The following REG4 variants were observed in gnomAD, a reference collection of about 807,000 sequenced individuals.
REG4 encodes regenerating family member 4.
A neutral mutation model predicts 22.3 loss-of-function variants in REG4; 16 were observed. The observed-to-expected ratio is 0.72, with a 90% CI of 0.49 to 1.09. The LOEUF (loss-of-function observed/expected upper bound fraction) is 1.09, where lower values mean the gene tolerates loss of function less well. REG4 is among the 50% of genes least tolerant of loss of function. REG4 has a pLI of 0.00. For missense variants in REG4, 214 were observed against 193.9 expected (o/e 1.10, Z -0.61); for synonymous variants, 71 against 69.2 (o/e 1.03, Z -0.13).
At chr1:119,807,264 C>T (rs1256437493) in intron 2 of REG4, among the ~76,000 whole-genome samples, 1 of 152,178 alleles carries the variant, frequency 6.6e-6, no homozygotes, top group Admixed American at 6.5e-5. Flanking sequence ...TTAAGTACAG[C>T]AGTGCAAAGA....
chr1:119,808,675 C>T (rs751688232), intron 2 of REG4, 28 bp downstream of exon 2: 18 of 1,570,812 alleles, frequency 1.1e-5, no homozygotes, highest in Middle Eastern at 1.7e-4. Flanking sequence ...GGCTGTGGCT[C>T]AGTTCCAGCT....
At chr1:119,796,538 T>C (rs1301269622) in intron 5 of REG4, among the ~76,000 whole-genome samples, 1 of 152,096 alleles carries the variant, frequency 6.6e-6, no homozygotes, top group Non-Finnish European at 1.5e-5. Context: ...TGGCTGTATA[T>C]TGGGGCATTA....
intron 3 of REG4, 189 bp downstream of exon 3, chr1:119,802,879 T>G (rs985938098): frequency 2.6e-6 from 4 of 1,552,564 alleles, no homozygotes; most frequent in Non-Finnish European, 3.5e-6. Flanking sequence ...ATACAGCACC[T>G]GCTTCAGCAA....
intron 1 of REG4, among the ~76,000 whole-genome samples, chr1:119,811,202 T>C (rs899601700): frequency 1.3e-5 from 2 of 152,304 alleles, no homozygotes; most frequent in Middle Eastern, 3.4e-3. Context: ...AGCCAAGATT[T>C]AACCCAACAG....
chr1:119,808,096 AG>A (rs940330962), intron 2 of REG4, among the ~76,000 whole-genome samples: 1 of 152,228 alleles, frequency 6.6e-6, no homozygotes, highest in Non-Finnish European at 1.5e-5. Flanking sequence ...AATAGAACAA[AG>A]ACATTACACC....
At chr1:119,811,379 T>TC (rs1382424790) in intron 1 of REG4, 30 bp downstream of exon 1, 3 of 152,046 alleles carry the variant, frequency 2.0e-5, no homozygotes, top group African/African-American at 4.8e-5. Context: ...TTAAAGAAAG[T>TC]CCCCCATCAT....
chr1:119,795,217 G>T (rs1364045098), intron 5 of REG4, among the ~76,000 whole-genome samples: 6 of 152,158 alleles, frequency 3.9e-5, no homozygotes. Context: ...CACTTGAAAT[G>T]TCACACACCA....
At chr1:119,805,308 T>C (rs762417627) in intron 2 of REG4, among the ~76,000 whole-genome samples, 11 of 152,138 alleles carry the variant, frequency 7.2e-5, no homozygotes, top group Non-Finnish European at 1.0e-4. Context: ...TCCAATGTAA[T>C]ACCAGTGAGA....
At chr1:119,809,137 C>T (rs1400326031) in intron 1 of REG4, 1 of 165,058 alleles carries the variant, frequency 6.1e-6, no homozygotes, top group Non-Finnish European at 1.3e-5. Context: ...CCCCTGTTAG[C>T]TTCAGGAGGG....
chr1:119,809,510 C>T (rs12564341), intron 1 of REG4, among the ~76,000 whole-genome samples: 5 of 152,196 alleles, frequency 3.3e-5, no homozygotes, highest in Non-Finnish European at 5.9e-5. Context: ...TAAATCCCAT[C>T]TCCAGGAGAT....
intron 5 of REG4, among the ~76,000 whole-genome samples, chr1:119,796,272 G>A (rs1311659252): frequency 6.6e-6 from 1 of 152,146 alleles, no homozygotes; most frequent in African/African-American, 2.4e-5. Context: ...TGACCTCAAC[G>A]TATACTGAAT....
At position 119,794,051 on chromosome 1, in the gene REG4, ACATT is replaced by A; in HGVS notation, c.*563_*566del. 1 of 509,420 alleles carries A rather than the reference ACATT, an allele frequency of 2.0e-6. No individual in the cohort carries two copies. The highest frequency in any genetic ancestry group is 1.5e-5 in the South Asian group (1 of 67,892). The allele number at this position is 509,420 out of a possible 1,614,324, so 31.6% of individuals were successfully genotyped here. The stretch of plus-strand genomic sequence containing the variant: ...TTTCTTGGTCTTATTTCACTTTTCC[ACATT>A]CACCATTACTGAACTGGAACACAGC... On this transcript the variant is annotated 3_prime_UTR_variant, in exon 6 of 6. Coordinates refer to ENST00000256585, the MANE Select transcript of REG4 (RefSeq NM_032044.4).
intron 2 of REG4, among the ~76,000 whole-genome samples, chr1:119,807,451 G>T (rs1361532049): frequency 1.3e-5 from 2 of 152,192 alleles, no homozygotes; most frequent in African/African-American, 4.8e-5. Context: ...AGATCCCAGG[G>T]ATAGGAAGAT....
At chr1:119,801,511 T>C (rs2582796) in intron 3 of REG4, 113,166 of 152,206 alleles carry the variant, frequency 0.74, 42,286 homozygotes, top group East Asian at 0.9. Context: ...GGGAAACAGG[T>C]TTGGAGGCTT....
At chr1:119,801,100 A>G (rs1654083761) in intron 3 of REG4, 1 of 152,196 alleles carries the variant, frequency 6.6e-6, no homozygotes, top group Non-Finnish European at 1.5e-5. Flanking sequence ...TATGAAACAC[A>G]TGACATGATA....
At chr1:119,796,155 A>G (rs587746215) in intron 5 of REG4, among the ~76,000 whole-genome samples, 50 of 152,248 alleles carry the variant, frequency 3.3e-4, no homozygotes, top group African/African-American at 1.1e-3. Flanking sequence ...TTTTATAAGG[A>G]GGCATTTGAG....
chr1:119,800,767 G>A (rs1490181241), intron 3 of REG4, among the ~76,000 whole-genome samples: 1 of 152,170 alleles, frequency 6.6e-6, no homozygotes, highest in African/African-American at 2.4e-5. Flanking sequence ...TGCTCCCCGT[G>A]CTGGTGTAGA....
chr1:119,802,797 C>G (rs780911852), intron 3 of REG4: 1 of 1,490,076 alleles, frequency 6.7e-7, no homozygotes, highest in Non-Finnish European at 8.9e-7. Flanking sequence ...CCTTTACTGA[C>G]AGTGAGCTTG....
At chr1:119,798,703 A>T in intron 4 of REG4, 101 bp from the exon 5 acceptor site, 1 of 790,876 alleles carries the variant, frequency 1.3e-6, no homozygotes, top group East Asian at 2.5e-5. Context: ...TTCATTGCAA[A>T]CATTGGGAAA....
Sources: gnomAD v4.1 joint callset for allele counts (sites outside exome capture counted in the v4.1 genomes callset) on GRCh38, gnomAD v4.1.1 for gene constraint, MANE v1.5 for transcripts, NCBI Gene and HGNC (gene_info 2026-07-23, HGNC 2026-07-21) for gene names.